The following TBC1D5 variants were observed in gnomAD, a reference collection of about 807,000 sequenced individuals.
The protein encoded by TBC1D5 is TBC1 domain family, member 5.
Under a neutral mutation model 100.3 loss-of-function variants are expected in TBC1D5, and 75 were observed. That is an observed-to-expected ratio of 0.75 (90% CI 0.62 to 0.91). The LOEUF (loss-of-function observed/expected upper bound fraction) is 0.91. TBC1D5 is among the 40% of genes least tolerant of loss of function. The pLI is 0.00. For missense variants in TBC1D5, 910 were observed against 942.4 expected (o/e 0.97, Z 0.45); for synonymous variants, 323 against 325.6 (o/e 0.99, Z 0.09).
chr3:17,228,691 CTTTT>C (rs34658453), intron 17 of TBC1D5, among the ~76,000 whole-genome samples: 1 of 143,882 alleles, frequency 7.0e-6, no homozygotes. Context: ...GAGAAGTTAT[CTTTT>C]TTTTTTTTTT....
chr3:17,338,625 C>T (rs548797418), intron 13 of TBC1D5: 29 of 152,258 alleles, frequency 1.9e-4, no homozygotes, highest in African/African-American at 6.7e-4. Context: ...TCATTAGCAA[C>T]ACGAAAATAA....
chr3:17,697,049 C>G (rs2072227611), intron 1 of TBC1D5, among the ~76,000 whole-genome samples: 2 of 152,200 alleles, frequency 1.3e-5, no homozygotes, highest in Admixed American at 1.3e-4. Flanking sequence ...CGACAAAATT[C>G]AACAGTATTT....
At chr3:17,526,697 T>C (rs1560087542) in intron 2 of TBC1D5, among the ~76,000 whole-genome samples, 1 of 152,204 alleles carries the variant, frequency 6.6e-6, no homozygotes, top group Non-Finnish European at 1.5e-5. Context: ...ATATACATAG[T>C]AAGCATTCAA....
intron 1 of TBC1D5, among the ~76,000 whole-genome samples, chr3:17,694,683 A>G (rs1214043085): frequency 6.6e-6 from 1 of 152,236 alleles, no homozygotes; most frequent in Admixed American, 6.5e-5. Flanking sequence ...TCAGGATATT[A>G]TCCAGGAAAA....
chr3:17,519,503 C>T (rs1434702075), intron 2 of TBC1D5, among the ~76,000 whole-genome samples: 1 of 152,158 alleles, frequency 6.6e-6, no homozygotes, highest in Admixed American at 6.5e-5. Context: ...GATTCAGATG[C>T]CCACTTACCT....
chr3:17,422,670 T>A (rs2094240207), intron 4 of TBC1D5, among the ~76,000 whole-genome samples: 1 of 152,152 alleles, frequency 6.6e-6, no homozygotes, highest in Non-Finnish European at 1.5e-5. Context: ...GATATATAAT[T>A]CTCTTACATA....
At chr3:17,637,066 G>A (rs2064016656) in intron 1 of TBC1D5, among the ~76,000 whole-genome samples, 1 of 149,306 alleles carries the variant, frequency 6.7e-6, no homozygotes, top group South Asian at 2.1e-4. Flanking sequence ...CTGTCGCCCA[G>A]GCTGGAGTGC....
At chr3:17,696,385 C>T (rs552362158) in intron 1 of TBC1D5, among the ~76,000 whole-genome samples, 6 of 152,084 alleles carry the variant, frequency 3.9e-5, no homozygotes, top group African/African-American at 1.2e-4. Flanking sequence ...AGAGAAGAAT[C>T]AAATAGATGC....
At chr3:17,364,647 C>T (rs1209117854) in intron 13 of TBC1D5, among the ~76,000 whole-genome samples, 2 of 152,148 alleles carry the variant, frequency 1.3e-5, no homozygotes, top group Non-Finnish European at 2.9e-5. Flanking sequence ...TAAAGCCAGT[C>T]AATAATTTTT....
chr3:17,595,149 A>C (rs2060483318), intron 2 of TBC1D5, among the ~76,000 whole-genome samples: 1 of 152,148 alleles, frequency 6.6e-6, no homozygotes, highest in Admixed American at 6.5e-5. Context: ...TTAGAACTCA[A>C]ACTAGCTCTT....
intron 19 of TBC1D5, among the ~76,000 whole-genome samples, chr3:17,174,005 C>T (rs1193400696): frequency 6.6e-6 from 1 of 152,182 alleles, no homozygotes; most frequent in Admixed American, 6.5e-5. Flanking sequence ...ATGCAACCTC[C>T]AGTACATGGT....
chr3:17,533,844 T>C (rs905674009), intron 2 of TBC1D5, among the ~76,000 whole-genome samples: 10 of 152,102 alleles, frequency 6.6e-5, no homozygotes, highest in African/African-American at 2.4e-4. Context: ...TCTGTTTCTC[T>C]TTCTCCTTCA....
chr3:17,700,823 G>A (rs1164753544), intron 1 of TBC1D5, among the ~76,000 whole-genome samples: 8 of 152,090 alleles, frequency 5.3e-5, no homozygotes, highest in Admixed American at 5.2e-4. Flanking sequence ...TAAAAAGTCA[G>A]GAAACAACAG....
intron 17 of TBC1D5, among the ~76,000 whole-genome samples, chr3:17,235,231 C>A (rs977654023): frequency 6.6e-6 from 1 of 152,174 alleles, no homozygotes; most frequent in African/African-American, 2.4e-5. Flanking sequence ...GTACTTCAAG[C>A]AACACATGTG....
At chr3:17,448,296 A>G (rs1048120004) in intron 3 of TBC1D5, among the ~76,000 whole-genome samples, 7 of 152,150 alleles carry the variant, frequency 4.6e-5, no homozygotes, top group Non-Finnish European at 1.0e-4. Flanking sequence ...AAACTTGAAC[A>G]TCTCCAAGTC....
intron 3 of TBC1D5, among the ~76,000 whole-genome samples, chr3:17,487,737 A>C (rs1482729610): frequency 1.3e-5 from 2 of 152,192 alleles, no homozygotes; most frequent in Non-Finnish European, 2.9e-5. Context: ...ATGAGGAATA[A>C]AGGGAAAAGT....
At chr3:17,505,270 G>GT (rs1326747602) in intron 3 of TBC1D5, among the ~76,000 whole-genome samples, 1 of 152,134 alleles carries the variant, frequency 6.6e-6, no homozygotes, top group Admixed American at 6.5e-5. Context: ...TTGGTGACAA[G>GT]TGAGTTCTCA....
intron 18 of TBC1D5, among the ~76,000 whole-genome samples, chr3:17,192,513 G>A (rs1302581034): frequency 6.6e-6 from 1 of 152,136 alleles, no homozygotes; most frequent in Non-Finnish European, 1.5e-5. Context: ...TAGAAATAAC[G>A]TGATTCTTAA....
chr3:17,648,286 G>A (rs1164855882), intron 1 of TBC1D5, among the ~76,000 whole-genome samples: 1 of 152,158 alleles, frequency 6.6e-6, no homozygotes, highest in Non-Finnish European at 1.5e-5. Flanking sequence ...ATAGATGATT[G>A]AAACTGGACC....
Sources: gnomAD v4.1 joint callset for allele counts (sites outside exome capture counted in the v4.1 genomes callset) on GRCh38, gnomAD v4.1.1 for gene constraint, MANE v1.5 for transcripts, NCBI Gene and HGNC (gene_info 2026-07-23, HGNC 2026-07-21) for gene names.